The following CDH8 variants were observed in gnomAD, a reference collection of about 807,000 sequenced individuals.
The protein encoded by CDH8 is cadherin-8.
CDH8 carries 17 observed loss-of-function variants against 68.1 expected under a neutral mutation model. The observed-to-expected ratio is 0.25, with a 90% CI of 0.17 to 0.37. The LOEUF (loss-of-function observed/expected upper bound fraction) is 0.37. CDH8 is among the 10% of genes least tolerant of loss of function. The pLI, the probability that CDH8 is intolerant of heterozygous loss-of-function variation, is 1.00. For synonymous variants in CDH8, 372 were observed against 365.1 expected, an observed-to-expected ratio of 1.02 and a Z score of -0.21; for missense variants, 763 against 999.3, an observed-to-expected ratio of 0.76 and a Z score of 3.19.
chr16:61,934,060 C>G (rs1964589363), intron 2 of CDH8: 1 of 152,046 alleles, frequency 6.6e-6, no homozygotes, highest in African/African-American at 2.4e-5. Flanking sequence ...ATGGTGCAAA[C>G]TAAGAAGATA....
intron 3 of CDH8, among the ~76,000 whole-genome samples, chr16:61,864,540 C>T (rs1444834889): frequency 6.6e-6 from 1 of 152,096 alleles, no homozygotes; most frequent in East Asian, 1.9e-4. Context: ...AGCAAATTCC[C>T]CCAGCAGGAA....
At chr16:61,934,296 A>T (rs1168782819) in intron 2 of CDH8, 1 of 152,074 alleles carries the variant, frequency 6.6e-6, no homozygotes, top group Non-Finnish European at 1.5e-5. Flanking sequence ...ACAAACGCCC[A>T]CCTTCAAGCC....
At chr16:61,871,450 C>T (rs1406103465) in intron 3 of CDH8, among the ~76,000 whole-genome samples, 1 of 151,776 alleles carries the variant, frequency 6.6e-6, no homozygotes, top group Non-Finnish European at 1.5e-5. Flanking sequence ...AGATGTGAGC[C>T]ACTGTGCCCA....
intron 2 of CDH8, among the ~76,000 whole-genome samples, chr16:62,019,946 C>T (rs747202888): frequency 1.6e-4 from 25 of 152,208 alleles, no homozygotes; most frequent in South Asian, 2.1e-4. Flanking sequence ...TTCATTGATA[C>T]GCCTCCTGTG....
chr16:61,685,339 C>T (rs1355795955), intron 10 of CDH8, among the ~76,000 whole-genome samples: 1 of 151,732 alleles, frequency 6.6e-6, no homozygotes, highest in Non-Finnish European at 1.5e-5. Flanking sequence ...AACACAAGCT[C>T]ATTGAAGATC....
intron 7 of CDH8, among the ~76,000 whole-genome samples, chr16:61,800,072 C>A (rs1961586211): frequency 6.6e-6 from 1 of 152,072 alleles, no homozygotes; most frequent in Non-Finnish European, 1.5e-5. Context: ...CCACGCCCGG[C>A]TATTTCTTTG....
At chr16:61,931,845 G>C (rs952990853) in intron 2 of CDH8, among the ~76,000 whole-genome samples, 1 of 152,122 alleles carries the variant, frequency 6.6e-6, no homozygotes, top group East Asian at 1.9e-4. Context: ...ACATGTTCGA[G>C]GGAGCTCATG....
In CDH8 at chr16:61,864,341, G is replaced by A. The variant is rs143073140; in HGVS notation, c.548-7103C>T. Among the ~76,000 whole-genome samples, 7 of 151,858 alleles carry A rather than the reference G, an allele frequency of 4.6e-5. No individual in the cohort carries two copies. The East Asian group carries it at 1.2e-3, about 25-fold the overall frequency. ...TGGTTGGTTGGTTGGTTGGTTGGTTGGTTGATTGAAAGTCTCCACCCCCTC... is the reference window on the plus strand; with the variant it reads ...TGGTTGGTTGGTTGGTTGGTTGGTTAGTTGATTGAAAGTCTCCACCCCCTC... On this transcript the variant is annotated intron_variant, in intron 3 of 11. Transcript: ENST00000577390.
chr16:61,770,821 C>T (rs970524740), intron 8 of CDH8, among the ~76,000 whole-genome samples: 2 of 151,942 alleles, frequency 1.3e-5, no homozygotes, highest in African/African-American at 4.8e-5. Context: ...AACTTCACCG[C>T]CAGGCCAGGA....
At chr16:61,904,058 C>T (rs1964025395) in intron 2 of CDH8, among the ~76,000 whole-genome samples, 1 of 152,082 alleles carries the variant, frequency 6.6e-6, no homozygotes, top group South Asian at 2.1e-4. Context: ...AATCTCAGAA[C>T]ACAATATATG....
rs77272022 is a variant in CDH8 at position 61,654,725 on chromosome 16, G to T, written c.1907-624C>A. 2.6e-3 allele frequency among the ~76,000 whole-genome samples: 398 copies of T among 152,256 alleles called. 2 individuals are homozygous for T. The highest frequency in any genetic ancestry group is 8.9e-3 in the African/African-American group (370 of 41,566). On this transcript the variant is annotated intron_variant, in intron 11 of 11. Transcript: ENST00000577390. ...GCCAAATCAAATGTGGGCTAATGGA[G>T]CAAAATATGTCATCAAAGTGATGCT... is the stretch of plus-strand genomic sequence containing the variant.
intron 10 of CDH8, among the ~76,000 whole-genome samples, chr16:61,656,997 C>G (rs1963460568): frequency 6.6e-6 from 1 of 151,414 alleles, no homozygotes; most frequent in African/African-American, 2.4e-5. Context: ...CAGCCAAAAG[C>G]AAATAAACAC....
At chr16:61,868,416 A>T (rs1963295106) in intron 3 of CDH8, among the ~76,000 whole-genome samples, 1 of 152,174 alleles carries the variant, frequency 6.6e-6, no homozygotes, top group Non-Finnish European at 1.5e-5. Context: ...ATTATGTGTT[A>T]TGTCTACTGT....
At chr16:61,908,559 A>G (rs1212043015) in intron 2 of CDH8, among the ~76,000 whole-genome samples, 2 of 152,188 alleles carry the variant, frequency 1.3e-5, no homozygotes, top group Non-Finnish European at 2.9e-5. Context: ...CTCACAATGA[A>G]TGTTACCAAA....
intron 2 of CDH8, among the ~76,000 whole-genome samples, chr16:61,931,822 A>G (rs1389909647): frequency 2.0e-5 from 3 of 152,222 alleles, no homozygotes; most frequent in Non-Finnish European, 2.9e-5. Flanking sequence ...TTTCTGCTGA[A>G]AACATAACAC....
intron 9 of CDH8, among the ~76,000 whole-genome samples, chr16:61,719,994 AACACACACACAC>A (rs10595910): frequency 2.7e-5 from 4 of 147,086 alleles, no homozygotes; most frequent in African/African-American, 7.4e-5. Flanking sequence ...CTTATTAGGT[AACACACACACAC>A]ACACACACAC....
chr16:61,835,385 TA>T (rs1567492612), intron 4 of CDH8, among the ~76,000 whole-genome samples: 1 of 151,934 alleles, frequency 6.6e-6, no homozygotes, highest in Non-Finnish European at 1.5e-5. Flanking sequence ...CCATATGGAA[TA>T]ACATATGAAA....
chr16:61,796,027 T>C (rs1221130822), intron 7 of CDH8, among the ~76,000 whole-genome samples: 1 of 152,030 alleles, frequency 6.6e-6, no homozygotes, highest in African/African-American at 2.4e-5. Context: ...TAGCATCACA[T>C]AGATTGTGAA....
chr16:61,901,628 T>C (rs1467364437), intron 2 of CDH8, among the ~76,000 whole-genome samples, 155 bp from the exon 3 acceptor site: 1 of 152,178 alleles, frequency 6.6e-6, no homozygotes, highest in African/African-American at 2.4e-5. Context: ...TGTGCGGATA[T>C]CAATTAAGAA....
Sources: allele counts gnomAD v4.1 joint callset (sites outside exome capture counted in the v4.1 genomes callset), GRCh38; gene constraint gnomAD v4.1.1; transcripts MANE v1.5; gene names NCBI Gene and HGNC (gene_info 2026-07-23, HGNC 2026-07-21).